Variants in AMD1 observed in about 807,000 individuals in gnomAD.
AMD1 encodes S-adenosylmethionine decarboxylase proenzyme.
AMD1 carries 11 observed loss-of-function variants against 40.2 expected under a neutral mutation model. The ratio of observed to expected loss-of-function variants is 0.27; its 90% CI spans 0.17 to 0.45. The LOEUF is 0.45. Among genes scored for constraint, AMD1 ranks in the 20% least tolerant of loss-of-function variants. The probability of loss-of-function intolerance (pLI) is 1.00; values close to 1 mark genes in which losing one functional copy is unlikely to be tolerated. For synonymous variants in AMD1, 121 were observed against 130.8 expected (o/e 0.93, Z 0.51); for missense variants, 257 against 410.2 (o/e 0.63, Z 3.23).
chr6:110,849,166 T>C, the AMD1 span, among the ~76,000 whole-genome samples: 1 of 152,220 alleles, frequency 6.6e-6, no homozygotes, highest in Non-Finnish European at 1.5e-5. Flanking sequence ...GAGAACATGG[T>C]ATCTGGAGTT....
At chr6:110,822,680 T>C in the AMD1 span, among the ~76,000 whole-genome samples, 2 of 152,130 alleles carry the variant, frequency 1.3e-5, no homozygotes, top group East Asian at 3.8e-4. Flanking sequence ...GCAAAAATCC[T>C]CAACAACATA....
chr6:110,876,439 A>T (rs531220124), intron 1 of AMD1, among the ~76,000 whole-genome samples: 3 of 152,272 alleles, frequency 2.0e-5, no homozygotes, highest in East Asian at 3.9e-4. Flanking sequence ...GCGTTTTAGG[A>T]GTGTTAGCTG....
intron 3 of AMD1, 136 bp from the exon 4 acceptor site, chr6:110,890,118 A>G (rs1315666041): frequency 1.6e-5 from 10 of 637,948 alleles, no homozygotes; most frequent in Non-Finnish European, 2.6e-5. Flanking sequence ...ATATGCTACC[A>G]TGCCAAGCTA....
the AMD1 span, among the ~76,000 whole-genome samples, chr6:110,836,930 C>A: frequency 0.019 from 2,873 of 151,882 alleles, 42 homozygotes; most frequent in Non-Finnish European, 0.029. Context: ...GAGAAGGGAA[C>A]ATGGCTGGAG....
chr6:110,888,827 TTATAA>T (rs1481117264), intron 2 of AMD1, 25 bp from the exon 3 acceptor site: 7 of 1,604,856 alleles, frequency 4.4e-6, no homozygotes, highest in Non-Finnish European at 6.0e-6. Flanking sequence ...ATTAGTATTG[TTATAA>T]TATTGTGACT....
the AMD1 span, among the ~76,000 whole-genome samples, chr6:110,823,041 G>A: frequency 6.6e-6 from 1 of 152,306 alleles, no homozygotes; most frequent in East Asian, 1.9e-4. Flanking sequence ...CTTGAACCCA[G>A]GAGGTGGAGG....
chr6:110,838,001 G>T, the AMD1 span, among the ~76,000 whole-genome samples: 1 of 149,318 alleles, frequency 6.7e-6, no homozygotes, highest in African/African-American at 2.5e-5. Context: ...GGCAGAGGTG[G>T]CAGTGAGCAG....
chr6:110,848,591 GA>G, the AMD1 span: 1 of 525,068 alleles, frequency 1.9e-6, no homozygotes, highest in South Asian at 2.0e-5. Context: ...AAGACTTTAG[GA>G]AAGGTGCAAA....
the AMD1 span, among the ~76,000 whole-genome samples, chr6:110,860,725 G>A: frequency 3.3e-5 from 5 of 151,944 alleles, no homozygotes; most frequent in Admixed American, 1.3e-4. Context: ...CCTTGAACAC[G>A]GGAGGTGGAG....
At chr6:110,888,184 G>A (rs1042213076) in intron 2 of AMD1, 1 of 152,150 alleles carries the variant, frequency 6.6e-6, no homozygotes, top group African/African-American at 2.4e-5. Context: ...AAATACAGTT[G>A]TCTAATTGGT....
At chr6:110,858,285 C>G in the AMD1 span, 2 of 955,644 alleles carry the variant, frequency 2.1e-6, no homozygotes, top group Non-Finnish European at 3.3e-6. Context: ...GGGCTGTCAG[C>G]CGAGATCAAG....
At chr6:110,887,653 T>C in intron 2 of AMD1, 62 bp downstream of exon 2, 1 of 1,198,178 alleles carries the variant, frequency 8.3e-7, no homozygotes, top group Non-Finnish European at 1.2e-6. Flanking sequence ...TGTGAAACAG[T>C]TAAGTTCCTC....
the AMD1 span, among the ~76,000 whole-genome samples, chr6:110,860,771 T>G: frequency 0.27 from 40,404 of 149,266 alleles, 5,976 homozygotes; most frequent in East Asian, 0.67. Context: ...CTGCACTCCA[T>G]CCTGGGTGAC....
the AMD1 span, among the ~76,000 whole-genome samples, chr6:110,851,000 G>T: frequency 3.0e-4 from 46 of 152,272 alleles, no homozygotes; most frequent in Non-Finnish European, 5.6e-4. Context: ...GTCCAGCTCT[G>T]TCGCCCAGGC....
Position 110,874,819 on chromosome 6 carries a change from C to T in AMD1, c.-287C>T, listed in dbSNP as rs1013013605. On this transcript the variant is annotated 5_prime_UTR_variant, in exon 1 of 9. Transcript: ENST00000368885. ...GTATGGCCGGCGACATTAGCTAGCG[C>T]TCGCTCTACTCTCTCTAACGGGAAA... 4 of 325,302 alleles carry T rather than the reference C, an allele frequency of 1.2e-5. No individual in the cohort carries two copies. The highest frequency in any genetic ancestry group is 2.2e-5 in the African/African-American group (1 of 46,264). The allele number at this position is 325,302 out of a possible 1,614,324, so 20.2% of individuals were successfully genotyped here.
the AMD1 span, among the ~76,000 whole-genome samples, chr6:110,866,875 G>T: frequency 6.6e-6 from 1 of 151,214 alleles, no homozygotes; most frequent in Admixed American, 6.6e-5. Flanking sequence ...GTGCAATGGC[G>T]CAATCTTGGC....
chr6:110,846,422 C>T, the AMD1 span, among the ~76,000 whole-genome samples: 15 of 152,224 alleles, frequency 9.9e-5, no homozygotes, highest in East Asian at 1.3e-3. Context: ...ATACATGAAG[C>T]CACTTTTAAT....
chr6:110,846,885 A>G, the AMD1 span, among the ~76,000 whole-genome samples: 56 of 151,982 alleles, frequency 3.7e-4, no homozygotes, highest in African/African-American at 1.3e-3. Context: ...AAAAAGAACA[A>G]TGCTTTATAT....
the AMD1 span, among the ~76,000 whole-genome samples, chr6:110,818,170 TTAA>T: frequency 3.2e-4 from 49 of 152,216 alleles, no homozygotes; most frequent in African/African-American, 1.1e-3. Flanking sequence ...TGGGGCAAAA[TTAA>T]TATAAGTAGA....
Sources: allele counts gnomAD v4.1 joint callset (sites outside exome capture counted in the v4.1 genomes callset), GRCh38; gene constraint gnomAD v4.1.1; transcripts MANE v1.5; gene names NCBI Gene and HGNC (gene_info 2026-07-23, HGNC 2026-07-21).